The following WNK4 variants were observed in gnomAD, a reference collection of about 807,000 sequenced individuals.
WNK4 encodes the protein serine/threonine-protein kinase WNK4.
WNK4 carries 94 observed loss-of-function variants against 116.2 expected under a neutral mutation model. The ratio of observed to expected loss-of-function variants is 0.81; its 90% CI spans 0.68 to 0.96. WNK4 has a LOEUF of 0.96. Among genes scored for constraint, WNK4 ranks in the 40% least tolerant of loss-of-function variants. The pLI is 0.00. For synonymous variants in WNK4, 655 were observed against 672.7 expected (o/e 0.97, Z 0.41); for missense variants, 1,542 against 1,650.6 (o/e 0.93, Z 1.14).
rs1415568670 is a variant in WNK4, at chr17:42,796,769, T to C, written c.*81T>C. The C allele has an allele frequency of 6.2e-7, 1 of 1,613,906 alleles. No individual in the cohort carries two copies. Among genetic ancestry groups the C allele is most frequent in the Non-Finnish European group, 8.5e-7 (1 of 1,179,968 alleles). On this transcript the variant is annotated 3_prime_UTR_variant, in exon 19 of 19. Transcript: ENST00000246914. ...GTTCTCAGAATCTGATGCTTTCTGA[T>C]CAACAAAACTGAGCAAGGAAGATCC...
At chr17:42,787,165 C>T in intron 6 of WNK4, 113 bp from the exon 7 acceptor site, 1 of 1,461,012 alleles carries the variant, frequency 6.8e-7, no homozygotes, top group Non-Finnish European at 9.3e-7. Flanking sequence ...AGTGGGTAAT[C>T]AGTAAGTGTT....
rs371816191 is a variant in WNK4 at position 42,784,867 on chromosome 17, C to G, written c.1171-230C>G. ...AGGTGAGCGGGGCAAATGTTCCACCCTGCGATTTACAGATGAACAAACAGC... is the reference window on the plus strand; with the variant it reads ...AGGTGAGCGGGGCAAATGTTCCACCGTGCGATTTACAGATGAACAAACAGC... On this transcript the variant is annotated intron_variant, in intron 4 of 18. Transcript: ENST00000246914. The surrounding 1 kb of genome is among the most constrained non-coding windows in gnomAD (Gnocchi z 4.4). Among the ~76,000 whole-genome samples, 51 of 149,096 alleles carry G rather than the reference C, an allele frequency of 3.4e-4. 1 individual carries two copies. Among genetic ancestry groups the G allele is most frequent in the African/African-American group, 1.3e-3 (51 of 38,970 alleles).
Position 42,780,638 on chromosome 17 carries a change from T to A in WNK4, c.-61T>A. On this transcript the variant is annotated 5_prime_UTR_variant, in exon 1 of 19. Transcript: ENST00000246914. ...GCGCAGCGCACCCAGCGAGTCCGTCTGTCAGGCCGCCTCCTCTCCGGCCGT... is the reference window on the plus strand; with the variant it reads ...GCGCAGCGCACCCAGCGAGTCCGTCAGTCAGGCCGCCTCCTCTCCGGCCGT... The A allele has an allele frequency of 1.3e-6, 2 of 1,592,132 alleles. No individual in the cohort carries two copies. The highest frequency in any genetic ancestry group is 1.7e-6 in the Non-Finnish European group (2 of 1,176,330).
chr17:42,787,633 C>T, intron 7 of WNK4, 91 bp downstream of exon 7: 4 of 1,596,176 alleles, frequency 2.5e-6, no homozygotes, highest in Non-Finnish European at 3.4e-6. Flanking sequence ...AGTCACTTAC[C>T]CTGCCTTCCA....
Position 42,796,171 on chromosome 17 carries a change from TGAA to T in WNK4, c.3483_3485del (p.Glu1161del). ...TACAGACACTACAGAAAAAAGAAAT[TGAA>T]GATTTGTACAGCCGGCTGGGGAAGC... On this transcript the variant is annotated inframe_deletion, in exon 17 of 19. Transcript: ENST00000246914. 6.2e-7 allele frequency: 1 copy of T among 1,613,790 alleles called. No individual in the cohort carries two copies. Among genetic ancestry groups the T allele is most frequent in the Non-Finnish European group, 8.5e-7 (1 of 1,179,940 alleles).
rs1422832341 is a variant in WNK4 at position 42,782,889 on chromosome 17, C to T, written c.750C>T (p.Ile250=). 5 of 1,614,174 alleles carry T rather than the reference C, an allele frequency of 3.1e-6. No individual in the cohort carries two copies. The highest frequency in any genetic ancestry group is 1.7e-5 in the Admixed American group (1 of 60,030). ...CGGTGCTGAGGGGCCAGGTTTGCAT[C>T]GTGCTGGTCACCGAACTCATGACCT... ...WKSVLRGQVC[I]VLVTELMTSG... is the part of the protein sequence containing the mutation. The change falls in exon 2 of 19, where the codon ATC becomes ATT. Residue 250 remains isoleucine, a synonymous_variant. Coordinates refer to ENST00000246914, the MANE Select transcript of WNK4 (RefSeq NM_032387.5). This position sits in a 1 kb window ranked among gnomAD's most constrained non-coding sequence, Gnocchi z 4.2.
intron 11 of WNK4, among the ~76,000 whole-genome samples, chr17:42,792,580 T>C (rs934870417): frequency 3.3e-5 from 5 of 152,220 alleles, no homozygotes; most frequent in African/African-American, 9.6e-5. Context: ...CATTTCTATC[T>C]ATATCTCACT....
At chr17:42,781,432 T>G in intron 1 of WNK4, 116 bp downstream of exon 1, 1 of 1,389,916 alleles carries the variant, frequency 7.2e-7, no homozygotes, top group South Asian at 1.2e-5. Flanking sequence ...TCCAGTCAAA[T>G]GTCTATAGAC....
chr17:42,782,978 G>A lies in WNK4; in HGVS notation c.791+48G>A, dbSNP rs2054502235. On this transcript the variant is annotated intron_variant, in intron 2 of 18. Coordinates refer to ENST00000246914, the MANE Select transcript of WNK4 (RefSeq NM_032387.5). The surrounding 1 kb of genome is among the most constrained non-coding windows in gnomAD (Gnocchi z 4.2). Reference sequence around the variant, plus strand: ...TGGGGAGAGGGAGGCTGGGATGTGTGCCCACTGCTTCCTGAACTCCCAGGC... The same window carrying A: ...TGGGGAGAGGGAGGCTGGGATGTGTACCCACTGCTTCCTGAACTCCCAGGC... 3 of 1,601,382 alleles carry A rather than the reference G, an allele frequency of 1.9e-6. No homozygotes were observed. The highest frequency in any genetic ancestry group is 1.7e-6 in the Non-Finnish European group (2 of 1,173,668).
rs767281441 is a variant in WNK4 at position 42,780,928 on chromosome 17, C to T, written c.230C>T (p.Ala77Val). 6.8e-6 allele frequency: 11 copies of T among 1,609,232 alleles called. No homozygotes were observed. In the African/African-American group the frequency reaches 1.5e-4, roughly 21 times the overall value. Residue 77 changes from alanine (A) to valine (V), a missense_variant, in exon 1 of 19, where the codon GCC becomes GTC. Ala to Val is a moderately conservative substitution (Grantham distance 64). Coordinates refer to ENST00000246914, the MANE Select transcript of WNK4 (RefSeq NM_032387.5). ...LGLLSSWSLP[A>V]SPAPDPPDPP... is the part of the protein sequence containing the mutation. The stretch of plus-strand genomic sequence containing the variant: ...CTGCTGAGCTCTTGGTCCCTGCCAG[C>T]CTCACCCGCTCCGGACCCCCCCGAT...
chr17:42,795,247 G>C lies in WNK4; in HGVS notation c.2826G>C (p.Leu942=), dbSNP rs2054652464. The C allele has an allele frequency of 6.2e-7, 1 of 1,613,408 alleles. No homozygotes were observed. The highest frequency in any genetic ancestry group is 8.5e-7 in the Non-Finnish European group (1 of 1,179,828). The change falls in exon 14 of 19, where the codon CTG becomes CTC. Residue 942 remains leucine, a synonymous_variant. Transcript: ENST00000246914. ...LAVMTVAQSL[L]SPSPGLLSQS... ...TGATGACTGTGGCCCAGTCCCTGCT[G>C]TCCCCCTCACCTGGGCTCCTTTCCC...
rs1423054825 is a variant in WNK4 at position 42,787,449 on chromosome 17, C to T, written c.1648C>T (p.Pro550Ser). ...PPATVPMAPG[P>S]PSVFPPEPEE... ...AGCAACTGTGCCCATGGCCCCCGGT[C>T]CCCCCAGTGTCTTCCCCCCTGAGCC... The change falls in exon 7 of 19, where the codon CCC becomes TCC. Residue 550 changes from proline (P) to serine (S), a missense_variant. By Grantham distance (74) the Pro-to-Ser change is moderately conservative. Around this residue, in one of 7 missense-constraint regions of WNK4, gnomAD observed 808 missense variants for 873.6 expected, o/e 0.92. Transcript: ENST00000246914. The T allele has an allele frequency of 7.2e-7, 1 of 1,383,102 alleles. No individual in the cohort carries two copies. Among genetic ancestry groups the T allele is most frequent in the Admixed American group, 1.9e-5 (1 of 53,558 alleles). 85.7% of individuals were successfully genotyped at this position (1,383,102 alleles called of 1,614,324 possible).
Position 42,786,956 on chromosome 17 carries a change from A to G in WNK4, c.1477-322A>G, listed in dbSNP as rs138572811. ...CCGCTCACTAGATTCAGTAGCACCT[A>G]CCCTCCAGTTGTGGCAACTAAAAAT... On this transcript the variant is annotated intron_variant, in intron 6 of 18. Transcript: ENST00000246914. Among the ~76,000 whole-genome samples the G allele has an allele frequency of 1.7e-3, 264 of 152,234 alleles. 1 individual carries two copies. Among genetic ancestry groups the G allele is most frequent in the Middle Eastern group, 0.01 (3 of 294 alleles).
In WNK4 at chr17:42,784,424, AC is replaced by A; in HGVS notation, c.1019del (p.Pro340ArgfsTer61). On this transcript the variant is annotated frameshift_variant, in exon 4 of 19. Coordinates refer to ENST00000246914, the MANE Select transcript of WNK4 (RefSeq NM_032387.5). LOFTEE classifies it high-confidence loss of function. This position sits in a 1 kb window ranked among gnomAD's most constrained non-coding sequence, Gnocchi z 4.4. ...GATCCCTGCTGTGGACCCTACAGGG[AC>A]CCCGGAATTCATGGCCCCCGAGATG... ...RASFAKSVIGTPEFMAPEMYE... is the reference protein window; with the variant it reads ...RASFAKSVIGXPEFMAPEMYE... The A allele has an allele frequency of 6.2e-7, 1 of 1,613,012 alleles. No individual in the cohort carries two copies. The highest frequency in any genetic ancestry group is 8.5e-7 in the Non-Finnish European group (1 of 1,179,678).
intron 6 of WNK4, among the ~76,000 whole-genome samples, chr17:42,785,914 G>A (rs372196828): frequency 6.6e-6 from 1 of 151,956 alleles, no homozygotes. Context: ...CCCACTATCG[G>A]TCCTGTCTTA....
In WNK4 at chr17:42,782,377, G is replaced by A. The variant is rs2054493638; in HGVS notation, c.619-381G>A. On this transcript the variant is annotated intron_variant, in intron 1 of 18. Coordinates refer to ENST00000246914, the MANE Select transcript of WNK4 (RefSeq NM_032387.5). This position sits in a 1 kb window ranked among gnomAD's most constrained non-coding sequence, Gnocchi z 4.2. The stretch of plus-strand genomic sequence containing the variant: ...ACCCCCTTGCCGGCCCCAATTCCCT[G>A]CCCGCAGTATCCTGCTGCCCGCCTG... 2.0e-5 allele frequency among the ~76,000 whole-genome samples: 3 copies of A among 152,200 alleles called. 1 individual carries two copies. The South Asian group carries it at 6.2e-4, about 32-fold the overall frequency.
At position 42,793,974 on chromosome 17, in the gene WNK4, TC is replaced by T. The variant is rs2054634031; in HGVS notation, c.2295+248del. ...TTCACGCCATTCTCCTGTCCCAGCC[TC>T]CCGAGTAGCTGGGACTACAGGCGCT... On this transcript the variant is annotated intron_variant, in intron 12 of 18. Coordinates refer to ENST00000246914, the MANE Select transcript of WNK4 (RefSeq NM_032387.5). 1.1e-5 allele frequency: 5 copies of T among 456,636 alleles called. No homozygotes were observed. In the East Asian group the frequency reaches 2.5e-4, roughly 23 times the overall value. The allele number at this position is 456,636 out of a possible 1,614,324, so 28.3% of individuals were successfully genotyped here.
At chr17:42,793,064 C>T (rs60213145) in intron 11 of WNK4, among the ~76,000 whole-genome samples, 11,233 of 152,138 alleles carry the variant, frequency 0.074, 1,233 homozygotes, top group African/African-American at 0.23. Context: ...TGATAATATA[C>T]GCAAAGCAGC....
At position 42,782,838 on chromosome 17, in the gene WNK4, C is replaced by T. The variant is rs773310438; in HGVS notation, c.699C>T (p.Ile233=). The T allele has an allele frequency of 4.3e-6, 7 of 1,614,078 alleles. No homozygotes were observed. Among genetic ancestry groups the T allele is most frequent in the Non-Finnish European group, 5.9e-6 (7 of 1,180,038 alleles). The change falls in exon 2 of 19, where the codon ATC becomes ATT. Residue 233 remains isoleucine, a synonymous_variant. Transcript: ENST00000246914. This position sits in a 1 kb window ranked among gnomAD's most constrained non-coding sequence, Gnocchi z 4.2. ...TCAAGGGGCTGCAGCACCCCAACAT[C>T]GTCCGCTTCTATGATTCGTGGAAGT... ...EMLKGLQHPN[I]VRFYDSWKSV...
Sources: gnomAD v4.1 joint callset for allele counts (sites outside exome capture counted in the v4.1 genomes callset) on GRCh38, gnomAD v4.1.1 for gene constraint, gnomAD v4.1.1 regional missense constraint, Gnocchi (gnomAD v3.1) non-coding constraint, MANE v1.5 for transcripts, NCBI Gene and HGNC (gene_info 2026-07-23, HGNC 2026-07-21) for gene names.